Variants in GABRA2 observed in about 807,000 individuals in gnomAD.
GABRA2 encodes the protein gamma-aminobutyric acid receptor subunit alpha-2.
GABRA2 carries 16 observed loss-of-function variants against 48.7 expected under a neutral mutation model. The observed-to-expected ratio is 0.33, with a 90% CI of 0.22 to 0.50. The LOEUF (loss-of-function observed/expected upper bound fraction) is 0.50. Among genes scored for constraint, GABRA2 ranks in the 20% least tolerant of loss-of-function variants. The pLI is 0.98. For synonymous variants in GABRA2, 185 were observed against 184.5 expected (o/e 1.00, Z -0.02); for missense variants, 275 against 535.6 (o/e 0.51, Z 4.80).
intron 3 of GABRA2, chr4:46,364,428 A>G (rs1713717970): frequency 6.6e-6 from 1 of 152,246 alleles, no homozygotes; most frequent in African/African-American, 2.4e-5. Context: ...CCCATTTATT[A>G]GCACATAGTT....
intron 4 of GABRA2, among the ~76,000 whole-genome samples, chr4:46,317,441 T>C (rs1368615298): frequency 6.7e-6 from 1 of 149,418 alleles, no homozygotes; most frequent in South Asian, 2.1e-4. Flanking sequence ...ATATAGACAT[T>C]ATTAAGAGTA....
rs1481011428 is a variant in GABRA2, at chr4:46,285,044, AAC to A, written c.856+18414_856+18415del. Among the ~76,000 whole-genome samples, 41 of 140,490 alleles carry A rather than the reference AAC, an allele frequency of 2.9e-4. No homozygotes were observed. The East Asian group carries it at 8.0e-3, about 27-fold the overall frequency. 92.2% of individuals were successfully genotyped at this position (140,490 alleles called of 152,430 possible). On this transcript the variant is annotated intron_variant, in intron 8 of 9. Coordinates refer to ENST00000381620, the MANE Select transcript of GABRA2 (RefSeq NM_000807.4). The stretch of plus-strand genomic sequence containing the variant: ...TCACCCTCAAAAAAAAAAAAAAAAA[AAC>A]CTCAGAAAACATTGAAGGATGAGGC...
chr4:46,305,259 G>T (rs373359933), intron 7 of GABRA2, among the ~76,000 whole-genome samples: 2 of 100,808 alleles, frequency 2.0e-5, no homozygotes, highest in Admixed American at 1.4e-4. Flanking sequence ...ACTGGGGCCT[G>T]TTGTGGGGTG....
intron 4 of GABRA2, among the ~76,000 whole-genome samples, chr4:46,317,065 G>A (rs1421652316): frequency 6.6e-6 from 1 of 151,870 alleles, no homozygotes; most frequent in African/African-American, 2.4e-5. Flanking sequence ...CTATAGGAAG[G>A]GGTAAAGAAC....
At chr4:46,315,863 C>T (rs1442810137) in intron 4 of GABRA2, among the ~76,000 whole-genome samples, 2 of 151,700 alleles carry the variant, frequency 1.3e-5, no homozygotes, top group Non-Finnish European at 2.9e-5. Context: ...ATCACAGCCC[C>T]CTAGTCTCTG....
At chr4:46,361,394 C>G (rs1346545175) in intron 3 of GABRA2, among the ~76,000 whole-genome samples, 1 of 152,192 alleles carries the variant, frequency 6.6e-6, no homozygotes, top group African/African-American at 2.4e-5. Context: ...ATCCCCAAGC[C>G]TTGGCAGCTT....
At chr4:46,384,140 A>G (rs28558512) in intron 3 of GABRA2, among the ~76,000 whole-genome samples, 44,810 of 152,042 alleles carry the variant, frequency 0.29, 6,915 homozygotes, top group Middle Eastern at 0.33. Flanking sequence ...GCAGAATTCC[A>G]GTCTAGACCT....
At chr4:46,377,410 G>C (rs1202048639) in intron 3 of GABRA2, among the ~76,000 whole-genome samples, 1 of 150,744 alleles carries the variant, frequency 6.6e-6, no homozygotes, top group Non-Finnish European at 1.5e-5. Context: ...TGTGAGGAGC[G>C]TCTCTGCCCA....
intron 3 of GABRA2, among the ~76,000 whole-genome samples, chr4:46,339,632 T>C (rs2109847547): frequency 6.6e-6 from 1 of 151,924 alleles, no homozygotes; most frequent in South Asian, 2.1e-4. Context: ...GCTATCAGAG[T>C]ATACAATAAA....
intron 4 of GABRA2, 107 bp from the exon 5 acceptor site, chr4:46,312,823 T>C (rs989180556): frequency 1.2e-4 from 76 of 618,372 alleles, no homozygotes; most frequent in Non-Finnish European, 1.7e-4. Flanking sequence ...GAGAGCTATA[T>C]TGAAAGGAAA....
intron 8 of GABRA2, among the ~76,000 whole-genome samples, chr4:46,268,315 C>A (rs1444465971): frequency 6.6e-6 from 1 of 151,654 alleles, no homozygotes; most frequent in Non-Finnish European, 1.5e-5. Flanking sequence ...GCTTCATTTA[C>A]AAAATATATA....
At chr4:46,279,000 T>C (rs572573880) in intron 8 of GABRA2, among the ~76,000 whole-genome samples, 1 of 151,634 alleles carries the variant, frequency 6.6e-6, no homozygotes, top group Non-Finnish European at 1.5e-5. Context: ...GGTTTTATAT[T>C]ATATACTATA....
chr4:46,269,369 A>G (rs965285258), intron 8 of GABRA2, among the ~76,000 whole-genome samples: 5 of 151,760 alleles, frequency 3.3e-5, no homozygotes, highest in Non-Finnish European at 7.4e-5. Context: ...GATATACAAG[A>G]CTCCTCTTTG....
At chr4:46,275,232 C>T (rs1189129793) in intron 8 of GABRA2, among the ~76,000 whole-genome samples, 1 of 152,018 alleles carries the variant, frequency 6.6e-6, no homozygotes, top group Non-Finnish European at 1.5e-5. Flanking sequence ...TGATTCAGAT[C>T]CTTAATTAGG....
intron 3 of GABRA2, among the ~76,000 whole-genome samples, chr4:46,348,818 T>C (rs573703774): frequency 8.2e-4 from 124 of 151,064 alleles, no homozygotes; most frequent in Non-Finnish European, 1.5e-3. Context: ...GAGATATACC[T>C]AATGCTGAAT....
Position 46,327,949 on chromosome 4 carries a change from T to A in GABRA2, c.255+4666A>T, listed in dbSNP as rs150410564. On this transcript the variant is annotated intron_variant, in intron 4 of 9. Coordinates refer to ENST00000381620, the MANE Select transcript of GABRA2 (RefSeq NM_000807.4). ...CTCAGTCTAGGTTTAGGTTAAATAATTGGTAGTTATAATACCTATACCTTA... is the reference window on the plus strand; with the variant it reads ...CTCAGTCTAGGTTTAGGTTAAATAAATGGTAGTTATAATACCTATACCTTA... 1.6e-3 allele frequency among the ~76,000 whole-genome samples: 242 copies of A among 152,072 alleles called. 1 individual carries two copies. The highest frequency in any genetic ancestry group is 2.9e-3 in the Non-Finnish European group (195 of 67,968).
Position 46,245,590 on chromosome 4 carries a change from TAA to T in GABRA2, c.*4716_*4717del, listed in dbSNP as rs1337392669. On this transcript the variant is annotated 3_prime_UTR_variant, in exon 10 of 10. Coordinates refer to ENST00000381620, the MANE Select transcript of GABRA2 (RefSeq NM_000807.4). ...GTGTGCAAGTTAATTGCTAGTTTAA[TAA>T]GAGCTGAATTTGTGATAAGATCCAT... Among the ~76,000 whole-genome samples, 2 of 151,496 alleles carry T rather than the reference TAA, an allele frequency of 1.3e-5. No individual in the cohort carries two copies. Among genetic ancestry groups the T allele is most frequent in the East Asian group, 3.9e-4 (2 of 5,122 alleles).
At chr4:46,375,312 A>G (rs1217516484) in intron 3 of GABRA2, among the ~76,000 whole-genome samples, 1 of 152,200 alleles carries the variant, frequency 6.6e-6, no homozygotes, top group African/African-American at 2.4e-5. Flanking sequence ...GGGTATTTTA[A>G]GTTAAAAACA....
chr4:46,297,228 G>C (rs954059035), intron 8 of GABRA2, among the ~76,000 whole-genome samples: 1 of 151,824 alleles, frequency 6.6e-6, no homozygotes, highest in Non-Finnish European at 1.5e-5. Context: ...CTTAATATGG[G>C]AAGAAACCAT....
Sources: allele counts gnomAD v4.1 joint callset (sites outside exome capture counted in the v4.1 genomes callset), GRCh38; gene constraint gnomAD v4.1.1; transcripts MANE v1.5; gene names NCBI Gene and HGNC (gene_info 2026-07-23, HGNC 2026-07-21).